USP45: variants seen among roughly 807,000 people sequenced by gnomAD.
USP45 encodes the protein ubiquitin carboxyl-terminal hydrolase 45.
In USP45, 89 loss-of-function variants were observed where a neutral mutation model predicts 95.8. That is an observed-to-expected ratio of 0.93 (90% CI 0.78 to 1.11). The LOEUF (loss-of-function observed/expected upper bound fraction) is 1.11. USP45 is among the 50% of genes least tolerant of loss of function. The pLI, the probability that USP45 is intolerant of heterozygous loss-of-function variation, is 0.00. For missense variants in USP45, 898 were observed against 942.5 expected (o/e 0.95, Z 0.62); for synonymous variants, 281 against 316.2 (o/e 0.89, Z 1.18).
intron 11 of USP45, among the ~76,000 whole-genome samples, chr6:99,465,896 AATT>A (rs1373372164): frequency 3.3e-5 from 5 of 152,192 alleles, no homozygotes; most frequent in Non-Finnish European, 5.9e-5. Context: ...TCAAAATAAA[AATT>A]ATTAAGTTCA....
At chr6:99,454,050 C>T (rs745478220) in intron 13 of USP45, among the ~76,000 whole-genome samples, 1 of 152,156 alleles carries the variant, frequency 6.6e-6, no homozygotes, top group Non-Finnish European at 1.5e-5. Flanking sequence ...AAGCTGGAAG[C>T]CTCACACTAC....
At chr6:99,457,526 G>C (rs992866562) in intron 13 of USP45, among the ~76,000 whole-genome samples, 3 of 152,140 alleles carry the variant, frequency 2.0e-5, no homozygotes, top group Admixed American at 2.0e-4. Flanking sequence ...TTCTATGCAT[G>C]TATCAAAATA....
chr6:99,513,719 G>T (rs938362233), intron 1 of USP45, among the ~76,000 whole-genome samples: 7 of 152,152 alleles, frequency 4.6e-5, no homozygotes, highest in African/African-American at 4.8e-5. Context: ...AATTTCTGAT[G>T]ATTTTTCTGC....
rs914518599 is a variant in USP45 at position 99,434,046 on chromosome 6, A to G, written c.*1670T>C. The stretch of plus-strand genomic sequence containing the variant: ...CAGAAAATGCTGTGAAATACCTTTT[A>G]CAGAACACAGCCTGACTTTGCAGAT... On this transcript the variant is annotated 3_prime_UTR_variant, in exon 18 of 18. Coordinates refer to ENST00000500704, the MANE Select transcript of USP45 (RefSeq NM_001346022.3). The G allele has an allele frequency of 2.0e-5, 3 of 152,216 alleles. No homozygotes were observed. The highest frequency in any genetic ancestry group is 7.2e-5 in the African/African-American group (3 of 41,464). 9.4% of individuals were successfully genotyped at this position (152,216 alleles called of 1,614,324 possible).
At chr6:99,497,267 G>A (rs1014459905) in intron 5 of USP45, among the ~76,000 whole-genome samples, 1 of 152,060 alleles carries the variant, frequency 6.6e-6, no homozygotes, top group Non-Finnish European at 1.5e-5. Flanking sequence ...GGGAGGTAGA[G>A]GGAGTTTTGT....
Position 99,490,809 on chromosome 6 carries a change from T to A in USP45, c.479-1989A>T, listed in dbSNP as rs563644262. 2.4e-4 allele frequency among the ~76,000 whole-genome samples: 37 copies of A among 151,746 alleles called. 1 individual carries two copies. The South Asian group carries it at 7.5e-3, about 31-fold the overall frequency. On this transcript the variant is annotated intron_variant, in intron 5 of 17. Coordinates refer to ENST00000500704, the MANE Select transcript of USP45 (RefSeq NM_001346022.3). Reference sequence around the variant, plus strand: ...TAAAGGAGATGAACCCGAGTGGGAGTGGCCCTGTTCTAAGGAGCAGGAAGT... The same window carrying A: ...TAAAGGAGATGAACCCGAGTGGGAGAGGCCCTGTTCTAAGGAGCAGGAAGT...
chr6:99,507,363 T>G, intron 4 of USP45, 65 bp downstream of exon 4: 1 of 845,544 alleles, frequency 1.2e-6, no homozygotes. Flanking sequence ...CTTAAAAGCT[T>G]AAAGAAAAAA....
intron 13 of USP45, among the ~76,000 whole-genome samples, chr6:99,463,544 AAG>A (rs1301758559): frequency 6.6e-6 from 1 of 152,048 alleles, no homozygotes; most frequent in African/African-American, 2.4e-5. Context: ...TGTAGATGAA[AAG>A]AGATTTAAGA....
chr6:99,467,521 T>A (rs1344410319), intron 10 of USP45, among the ~76,000 whole-genome samples: 1 of 152,134 alleles, frequency 6.6e-6, no homozygotes, highest in African/African-American at 2.4e-5. Context: ...CAAAATCATT[T>A]AAAATATTAG....
chr6:99,479,012 CA>C (rs58262180), intron 8 of USP45, among the ~76,000 whole-genome samples: 2 of 148,764 alleles, frequency 1.3e-5, no homozygotes, highest in Non-Finnish European at 1.5e-5. Context: ...ATTGCAACAA[CA>C]AAAAAAAAAA....
chr6:99,482,616 T>C, intron 8 of USP45, 137 bp downstream of exon 8: 1 of 752,458 alleles, frequency 1.3e-6, no homozygotes, highest in Non-Finnish European at 2.0e-6. Context: ...AGCATAGAGC[T>C]GTAACAAATT....
chr6:99,466,571 A>G (rs1052144418), intron 11 of USP45, 101 bp downstream of exon 11: 1 of 979,372 alleles, frequency 1.0e-6, no homozygotes, highest in Non-Finnish European at 1.6e-6. Flanking sequence ...CATCTGTCAA[A>G]TTTTAAAAAT....
At chr6:99,474,766 T>C (rs1387894143) in intron 9 of USP45, among the ~76,000 whole-genome samples, 2 of 152,084 alleles carry the variant, frequency 1.3e-5, no homozygotes, top group Non-Finnish European at 1.5e-5. Context: ...CTTCTATGAG[T>C]AAGAGGGAGG....
Position 99,491,002 on chromosome 6 carries a change from T to A in USP45, c.479-2182A>T, listed in dbSNP as rs192270435. On this transcript the variant is annotated intron_variant, in intron 5 of 17. Coordinates refer to ENST00000500704, the MANE Select transcript of USP45 (RefSeq NM_001346022.3). ...GGTTTCCCCCTATTCCTGTTTTTTT[T>A]ATTCTTTAAATGTTATTGGTTGTTA... is the stretch of plus-strand genomic sequence containing the variant. 7.9e-4 allele frequency among the ~76,000 whole-genome samples: 121 copies of A among 152,372 alleles called. 1 individual carries two copies. Among genetic ancestry groups the A allele is most frequent in the Non-Finnish European group, 1.1e-3 (78 of 68,028 alleles).
chr6:99,446,990 C>T (rs888206270), intron 13 of USP45, among the ~76,000 whole-genome samples: 2 of 152,234 alleles, frequency 1.3e-5, no homozygotes, highest in Admixed American at 6.5e-5. Context: ...GCAATCCTCC[C>T]ACCTTGGCTT....
intron 13 of USP45, among the ~76,000 whole-genome samples, chr6:99,451,845 G>T (rs1180004109): frequency 3.3e-5 from 5 of 152,008 alleles, no homozygotes; most frequent in African/African-American, 4.8e-5. Flanking sequence ...TAGACCAATG[G>T]AACAGAACAG....
Position 99,446,267 on chromosome 6 carries a change from T to A in USP45, c.1505A>T (p.Asp502Val). Residue 502 changes from aspartate to valine, a missense_variant, in exon 14 of 18, where the codon GAT becomes GTT. Asp to Val is a radical substitution (Grantham distance 152). Coordinates refer to ENST00000500704, the MANE Select transcript of USP45 (RefSeq NM_001346022.3). ...KEASHSESNV[D>V]ADSEPSESES... ...AGATTCTGAAGGCTCACTGTCAGCA[T>A]CAACATTGCTTTCAGAATGGCTGGC... The A allele has an allele frequency of 1.2e-6, 2 of 1,614,220 alleles. No individual in the cohort carries two copies. Among genetic ancestry groups the A allele is most frequent in the Non-Finnish European group, 1.7e-6 (2 of 1,180,026 alleles).
intron 8 of USP45, among the ~76,000 whole-genome samples, chr6:99,478,991 C>A (rs1791598252): frequency 1.4e-5 from 2 of 147,112 alleles, no homozygotes; most frequent in Non-Finnish European, 3.0e-5. Flanking sequence ...CCCCAAAATG[C>A]AAACTAATCT....
rs535915821 is a variant in USP45 at position 99,514,069 on chromosome 6, G to C, written c.-11+1323C>G. ...TATACAAATTTACAAAACTGTGGCT[G>C]AGGATCTCCGTGATCTCCCCCACAT... is the stretch of plus-strand genomic sequence containing the variant. On this transcript the variant is annotated intron_variant, in intron 1 of 17. Coordinates refer to ENST00000500704, the MANE Select transcript of USP45 (RefSeq NM_001346022.3). Among the ~76,000 whole-genome samples, 179 of 152,326 alleles carry C rather than the reference G, an allele frequency of 1.2e-3. 1 individual carries two copies. Among genetic ancestry groups the C allele is most frequent in the African/African-American group, 4.1e-3 (171 of 41,574 alleles).
Sources: gnomAD v4.1 joint callset for allele counts (sites outside exome capture counted in the v4.1 genomes callset) on GRCh38, gnomAD v4.1.1 for gene constraint, MANE v1.5 for transcripts, NCBI Gene and HGNC (gene_info 2026-07-23, HGNC 2026-07-21) for gene names.